SNCAIP: variants seen among roughly 807,000 people sequenced by gnomAD.
SNCAIP encodes synuclein alpha interacting protein.
Under a neutral mutation model 86.7 loss-of-function variants are expected in SNCAIP, and 43 were observed. The observed-to-expected ratio is 0.50, with a 90% CI of 0.39 to 0.64. SNCAIP has a LOEUF of 0.64. Among genes scored for constraint, SNCAIP ranks in the 30% least tolerant of loss-of-function variants. The pLI is 0.00. For missense variants in SNCAIP, 981 were observed against 1,103.1 expected (o/e 0.89, Z 1.57); for synonymous variants, 417 against 427.2 (o/e 0.98, Z 0.29).
intron 2 of SNCAIP, among the ~76,000 whole-genome samples, chr5:122,394,030 C>T (rs1224470064): frequency 6.6e-6 from 1 of 151,638 alleles, no homozygotes; most frequent in Non-Finnish European, 1.5e-5. Flanking sequence ...AAGATGTGTT[C>T]AACGTGCTAA....
intron 2 of SNCAIP, chr5:122,400,949 T>C: frequency 6.6e-7 from 1 of 1,516,662 alleles, no homozygotes; most frequent in Non-Finnish European, 8.8e-7. Context: ...TGCTTCTTCA[T>C]TAACTGCAAG....
At chr5:122,376,755 T>G (rs1018143732) in intron 1 of SNCAIP, among the ~76,000 whole-genome samples, 1 of 152,152 alleles carries the variant, frequency 6.6e-6, no homozygotes, top group African/African-American at 2.4e-5. Flanking sequence ...GGGATTATGA[T>G]GACAGATGAA....
chr5:122,452,796 C>T (rs866111601), intron 10 of SNCAIP: 1 of 643,618 alleles, frequency 1.6e-6, no homozygotes, highest in Non-Finnish European at 2.8e-6. Flanking sequence ...GCCCATGCTC[C>T]TTAAAGTGCA....
chr5:122,327,508 T>C (rs909582219), intron 1 of SNCAIP, among the ~76,000 whole-genome samples: 4 of 152,094 alleles, frequency 2.6e-5, no homozygotes, highest in Non-Finnish European at 5.9e-5. Context: ...AGGGGCAGTA[T>C]CCCCCATGTT....
chr5:122,442,098 A>G (rs187652957), intron 7 of SNCAIP, among the ~76,000 whole-genome samples: 1 of 150,458 alleles, frequency 6.6e-6, no homozygotes, highest in East Asian at 2.0e-4. Flanking sequence ...TTCTACCTTT[A>G]AGAAAGCAGT....
intron 6 of SNCAIP, among the ~76,000 whole-genome samples, chr5:122,439,855 G>A (rs1000892743): frequency 6.6e-6 from 1 of 152,080 alleles, no homozygotes; most frequent in African/African-American, 2.4e-5. Flanking sequence ...CAAAGGCCAA[G>A]CATAACATGA....
At chr5:122,372,140 C>A (rs959086053) in intron 1 of SNCAIP, among the ~76,000 whole-genome samples, 1 of 152,048 alleles carries the variant, frequency 6.6e-6, no homozygotes, top group African/African-American at 2.4e-5. Flanking sequence ...TTTTTCATAC[C>A]CTTCCTGAAA....
At chr5:122,440,537 G>C in intron 6 of SNCAIP, 92 bp from the exon 7 acceptor site, 2 of 1,247,654 alleles carry the variant, frequency 1.6e-6, no homozygotes. Flanking sequence ...TTTTACCTAA[G>C]CTTCACAAAT....
At chr5:122,454,061 A>G (rs1784242839) in intron 10 of SNCAIP, among the ~76,000 whole-genome samples, 1 of 152,200 alleles carries the variant, frequency 6.6e-6, no homozygotes, top group African/African-American at 2.4e-5. Context: ...ACCCAGTCAT[A>G]AAAGACTATC....
At chr5:122,330,375 C>T (rs528835066) in intron 1 of SNCAIP, among the ~76,000 whole-genome samples, 2 of 152,192 alleles carry the variant, frequency 1.3e-5, no homozygotes, top group East Asian at 1.9e-4. Flanking sequence ...CCTGCCTCGG[C>T]CTCCCAAAGT....
rs1330930109 is a variant in SNCAIP, at chr5:122,403,187, A to G, written c.58-606A>G. On this transcript the variant is annotated intron_variant, in intron 2 of 10. Transcript: ENST00000261368. ...TTTCTTTCCACTCAAACTAATCTATATGTGAAAGAGATGAGCTTTCAAACA... is the reference window on the plus strand; with the variant it reads ...TTTCTTTCCACTCAAACTAATCTATGTGTGAAAGAGATGAGCTTTCAAACA... Among the ~76,000 whole-genome samples, 7 of 152,114 alleles carry G rather than the reference A, an allele frequency of 4.6e-5. No homozygotes were observed. The South Asian group carries it at 1.2e-3, about 27-fold the overall frequency.
chr5:122,357,830 C>G (rs1311112289), intron 1 of SNCAIP, among the ~76,000 whole-genome samples: 2 of 152,126 alleles, frequency 1.3e-5, no homozygotes, highest in African/African-American at 4.8e-5. Context: ...TCAGTAGCCA[C>G]ATGTGGCTAC....
chr5:122,455,164 C>T (rs1263501690), intron 10 of SNCAIP, among the ~76,000 whole-genome samples: 1 of 152,180 alleles, frequency 6.6e-6, no homozygotes, highest in African/African-American at 2.4e-5. Context: ...TGTCATTTGG[C>T]ATGTGTTTCC....
chr5:122,337,820 A>G (rs1343198557), intron 1 of SNCAIP, among the ~76,000 whole-genome samples: 9 of 152,232 alleles, frequency 5.9e-5, no homozygotes, highest in African/African-American at 2.2e-4. Context: ...GATTACCAGC[A>G]TGAGCCCCTG....
At chr5:122,373,793 T>C (rs892788829) in intron 1 of SNCAIP, among the ~76,000 whole-genome samples, 2 of 152,194 alleles carry the variant, frequency 1.3e-5, no homozygotes, top group South Asian at 2.1e-4. Flanking sequence ...GCCATCTGCT[T>C]CATGTTACAC....
chr5:122,408,390 C>A (rs757941848), intron 3 of SNCAIP, among the ~76,000 whole-genome samples: 18 of 152,128 alleles, frequency 1.2e-4, no homozygotes, highest in Non-Finnish European at 2.2e-4. Context: ...CTAGGGCTCA[C>A]CTCACTTCAT....
chr5:122,382,923 G>A lies in SNCAIP; in HGVS notation c.-46-8166G>A, dbSNP rs1339150308. On this transcript the variant is annotated intron_variant, in intron 1 of 10. Coordinates refer to ENST00000261368, the MANE Select transcript of SNCAIP (RefSeq NM_005460.4). The stretch of plus-strand genomic sequence containing the variant: ...TTCTCAGATCTCCAGCTGCGTGCTG[G>A]GAGAACCACTGCTCTCTTCAAAGCT... Among the ~76,000 whole-genome samples the A allele has an allele frequency of 5.9e-5, 9 of 152,292 alleles. No individual in the cohort carries two copies. The East Asian group carries it at 1.7e-3, about 30-fold the overall frequency.
At chr5:122,446,738 C>T (rs1445552585) in intron 8 of SNCAIP, among the ~76,000 whole-genome samples, 2 of 152,202 alleles carry the variant, frequency 1.3e-5, no homozygotes, top group Non-Finnish European at 2.9e-5. Context: ...GCCCTTCAGG[C>T]TCCCAGACAC....
chr5:122,440,194 A>G (rs1290140043), intron 6 of SNCAIP, among the ~76,000 whole-genome samples: 5 of 152,220 alleles, frequency 3.3e-5, no homozygotes, highest in Non-Finnish European at 4.4e-5. Context: ...GCTAATTCTC[A>G]ACAATTCAAG....
Sources: gnomAD v4.1 joint callset for allele counts (sites outside exome capture counted in the v4.1 genomes callset) on GRCh38, gnomAD v4.1.1 for gene constraint, MANE v1.5 for transcripts, NCBI Gene and HGNC (gene_info 2026-07-23, HGNC 2026-07-21) for gene names.